The following THSD7A variants were observed in gnomAD, a reference collection of about 807,000 sequenced individuals.
THSD7A encodes thrombospondin type 1 domain containing 7A.
Under a neutral mutation model 231.3 loss-of-function variants are expected in THSD7A, and 96 were observed. That is an observed-to-expected ratio of 0.41 (90% CI 0.35 to 0.49). The LOEUF (loss-of-function observed/expected upper bound fraction) is 0.49. Among genes scored for constraint, THSD7A ranks in the 20% least tolerant of loss-of-function variants. The probability of loss-of-function intolerance (pLI) is 0.05; values close to 1 mark genes in which losing one functional copy is unlikely to be tolerated. For missense variants in THSD7A, 2,290 were observed against 2,070.2 expected, an observed-to-expected ratio of 1.11 and a Z score of -2.06; for synonymous variants, 940 against 743.3, an observed-to-expected ratio of 1.26 and a Z score of -4.30.
chr7:11,725,230 G>A (rs1354748925), intron 1 of THSD7A, among the ~76,000 whole-genome samples: 1 of 151,932 alleles, frequency 6.6e-6, no homozygotes, highest in Non-Finnish European at 1.5e-5. Flanking sequence ...TCTCAGGGAT[G>A]CCTGATACCA....
intron 2 of THSD7A, among the ~76,000 whole-genome samples, chr7:11,630,928 T>C (rs1781626648): frequency 1.3e-5 from 2 of 152,212 alleles, no homozygotes; most frequent in Admixed American, 6.5e-5. Context: ...GCTATGCTTG[T>C]TGCAGTCTGG....
chr7:11,544,553 A>T (rs12531657), intron 4 of THSD7A, among the ~76,000 whole-genome samples: 76,864 of 151,940 alleles, frequency 0.51, 19,716 homozygotes, highest in Admixed American at 0.62. Flanking sequence ...AATTAAAAAA[A>T]TTTAAACTAC....
At chr7:11,700,798 C>T (rs925179068) in intron 1 of THSD7A, among the ~76,000 whole-genome samples, 7 of 151,056 alleles carry the variant, frequency 4.6e-5, no homozygotes, top group East Asian at 2.0e-4. Context: ...TATTCATGAC[C>T]GCTCCACAGC....
Position 11,371,845 on chromosome 7 carries a change from CTGAG to C in THSD7A, c.*3945_*3948del, listed in dbSNP as rs1165621640. ...TGGTGTAAATCAGGATGTTCACACT[CTGAG>C]TGAGTGACACTTTGATTCTAATAGG... is the stretch of plus-strand genomic sequence containing the variant. On this transcript the variant is annotated 3_prime_UTR_variant, in exon 28 of 28. Coordinates refer to ENST00000423059, the MANE Select transcript of THSD7A (RefSeq NM_015204.3). 3.4e-5 allele frequency: 5 copies of C among 148,848 alleles called. No individual in the cohort carries two copies. The highest frequency in any genetic ancestry group is 1.2e-4 in the African/African-American group (5 of 40,182). The allele number at this position is 148,848 out of a possible 1,614,324, so 9.2% of individuals were successfully genotyped here.
chr7:11,557,332 C>T (rs1199061606), intron 4 of THSD7A, among the ~76,000 whole-genome samples: 1 of 152,032 alleles, frequency 6.6e-6, no homozygotes, highest in Admixed American at 6.6e-5. Context: ...TTTTTTACAT[C>T]TTCAATTAAT....
chr7:11,511,864 A>G (rs536809203), intron 6 of THSD7A, among the ~76,000 whole-genome samples: 41 of 152,372 alleles, frequency 2.7e-4, no homozygotes, highest in African/African-American at 9.6e-4. Flanking sequence ...CATTCAGGAC[A>G]TAGGCATGGG....
chr7:11,503,887 G>A (rs1787439375), intron 6 of THSD7A, among the ~76,000 whole-genome samples: 1 of 152,144 alleles, frequency 6.6e-6, no homozygotes, highest in Admixed American at 6.5e-5. Flanking sequence ...CAACCATTGT[G>A]GAAAACAGTA....
At chr7:11,564,253 T>G (rs1484785163) in intron 4 of THSD7A, among the ~76,000 whole-genome samples, 1 of 152,200 alleles carries the variant, frequency 6.6e-6, no homozygotes, top group African/African-American at 2.4e-5. Context: ...TTCCCAATTA[T>G]GGGTGTCGAA....
Position 11,727,887 on chromosome 7 carries a change from G to C in THSD7A, c.191-90926C>G, listed in dbSNP as rs1009085052. Among the ~76,000 whole-genome samples the C allele has an allele frequency of 2.0e-5, 3 of 151,810 alleles. No individual in the cohort carries two copies. In the East Asian group the frequency reaches 5.9e-4, roughly 30 times the overall value. ...CTTAGTTATCGGTATCTCATTCTTT[G>C]GTCCTTAAAATAAACTTGATGTTTA... On this transcript the variant is annotated intron_variant, in intron 1 of 27. Transcript: ENST00000423059.
intron 2 of THSD7A, among the ~76,000 whole-genome samples, chr7:11,607,474 T>G (rs1780771385): frequency 6.6e-6 from 1 of 152,146 alleles, no homozygotes; most frequent in African/African-American, 2.4e-5. Flanking sequence ...ATAAAATTGT[T>G]CAACATTTTA....
At position 11,590,760 on chromosome 7, in the gene THSD7A, T is replaced by C; in HGVS notation, c.1272-119A>G. 4.3e-6 allele frequency: 5 copies of C among 1,163,698 alleles called. No homozygotes were observed. Among genetic ancestry groups the C allele is most frequent in the Non-Finnish European group, 5.9e-6 (5 of 843,754 alleles). 72.1% of individuals were successfully genotyped at this position (1,163,698 alleles called of 1,614,324 possible). On this transcript the variant is annotated intron_variant, in intron 3 of 27. Coordinates refer to ENST00000423059, the MANE Select transcript of THSD7A (RefSeq NM_015204.3). This position sits in a 1 kb window ranked among gnomAD's most constrained non-coding sequence, Gnocchi z 4.4. ...CAAAATCATTTTCCTAGAGAATCCA[T>C]CGTAGACTACATCTATGGTGCATAT...
chr7:11,729,321 G>A (rs1337821679), intron 1 of THSD7A, among the ~76,000 whole-genome samples: 2 of 151,778 alleles, frequency 1.3e-5, no homozygotes, highest in Non-Finnish European at 2.9e-5. Flanking sequence ...CAAAAGTGGT[G>A]TTTTGTGGTG....
At position 11,780,997 on chromosome 7, in the gene THSD7A, C is replaced by CAAAA. The variant is rs58931693; in HGVS notation, c.190+50756_190+50759dup. ...TGGGCGACAGAGCGAGACTCCGTCT[C>CAAAA]AAAAAAAAAAAAAAAAAAAAAAAAA... is the stretch of plus-strand genomic sequence containing the variant. On this transcript the variant is annotated intron_variant, in intron 1 of 27. Transcript: ENST00000423059. Among the ~76,000 whole-genome samples, 294 of 34,452 alleles carry CAAAA rather than the reference C, an allele frequency of 8.5e-3. 66 individuals carry two copies. The highest frequency in any genetic ancestry group is 1.0e-2 in the Non-Finnish European group (188 of 18,864). 22.6% of individuals were successfully genotyped at this position (34,452 alleles called of 152,430 possible). A position where few individuals can be genotyped will look rare whatever the true frequency, so the allele number is the denominator to read the frequency against.
At chr7:11,499,173 C>T (rs905284576) in intron 6 of THSD7A, among the ~76,000 whole-genome samples, 1 of 152,192 alleles carries the variant, frequency 6.6e-6, no homozygotes, top group African/African-American at 2.4e-5. Flanking sequence ...GGCGGTCAGT[C>T]CAACTCCTGT....
intron 6 of THSD7A, among the ~76,000 whole-genome samples, chr7:11,486,774 A>G (rs1786677040): frequency 6.6e-6 from 1 of 152,210 alleles, no homozygotes; most frequent in South Asian, 2.1e-4. Flanking sequence ...CTTTGCATTT[A>G]TATAACTTTG....
At chr7:11,669,904 A>C (rs1240155748) in intron 1 of THSD7A, among the ~76,000 whole-genome samples, 2 of 152,104 alleles carry the variant, frequency 1.3e-5, no homozygotes, top group African/African-American at 4.8e-5. Flanking sequence ...CACTGAAGCC[A>C]TGTGAACAAT....
At chr7:11,730,061 G>A (rs1243281540) in intron 1 of THSD7A, among the ~76,000 whole-genome samples, 1 of 151,666 alleles carries the variant, frequency 6.6e-6, no homozygotes, top group Non-Finnish European at 1.5e-5. Flanking sequence ...TGAAATGACT[G>A]TAACGATTTA....
intron 4 of THSD7A, among the ~76,000 whole-genome samples, chr7:11,578,218 G>A (rs893112578): frequency 2.6e-5 from 4 of 151,956 alleles, no homozygotes; most frequent in South Asian, 2.1e-4. Flanking sequence ...AAGTAAACAC[G>A]TAAACAAAAG....
At chr7:11,506,481 C>T (rs1227726411) in intron 6 of THSD7A, among the ~76,000 whole-genome samples, 2 of 152,184 alleles carry the variant, frequency 1.3e-5, no homozygotes, top group Non-Finnish European at 2.9e-5. Flanking sequence ...TGCTCTCTCA[C>T]AGTATGTTCT....
Sources: allele counts gnomAD v4.1 joint callset (sites outside exome capture counted in the v4.1 genomes callset), GRCh38; gene constraint gnomAD v4.1.1; non-coding constraint Gnocchi (gnomAD v3.1); transcripts MANE v1.5; gene names NCBI Gene and HGNC (gene_info 2026-07-23, HGNC 2026-07-21).